The following GRK3 variants were observed in gnomAD, a reference collection of about 807,000 sequenced individuals.
GRK3 encodes the protein G protein-coupled receptor kinase 3.
GRK3 carries 54 observed loss-of-function variants against 95.7 expected under a neutral mutation model. That is an observed-to-expected ratio of 0.56 (90% CI 0.45 to 0.71). GRK3 has a LOEUF of 0.71. Ranked by LOEUF, GRK3 falls within the 30% of genes least tolerant of loss-of-function variation. The probability of loss-of-function intolerance (pLI) is 0.00; values close to 1 mark genes in which losing one functional copy is unlikely to be tolerated. For synonymous variants in GRK3, 281 were observed against 290.8 expected (o/e 0.97, Z 0.34); for missense variants, 649 against 851.2 (o/e 0.76, Z 2.96).
chr22:25,673,620 T>C (rs991051732), intron 7 of GRK3, among the ~76,000 whole-genome samples: 2 of 152,078 alleles, frequency 1.3e-5, no homozygotes, highest in African/African-American at 4.8e-5. Flanking sequence ...CAGGTTTCTA[T>C]AGGATGTTTT....
rs536114566 is a variant in GRK3 at position 25,680,502 on chromosome 22, A to G, written c.747+1587A>G. Among the ~76,000 whole-genome samples, 11 of 152,336 alleles carry G rather than the reference A, an allele frequency of 7.2e-5. No homozygotes were observed. The South Asian group carries it at 2.1e-3, about 29-fold the overall frequency. ...TTATTCTCAAGAAAGCCTATAGAAA[A>G]TAAACGTTTTAATGTTGGAAAAACA... On this transcript the variant is annotated intron_variant, in intron 9 of 20. Transcript: ENST00000324198.
At chr22:25,567,616 C>A (rs114343612) in intron 1 of GRK3, among the ~76,000 whole-genome samples, 2,891 of 152,274 alleles carry the variant, frequency 0.019, 98 homozygotes, top group African/African-American at 0.065. Context: ...ATAGAGGAAG[C>A]CATGTGATCA....
intron 8 of GRK3, among the ~76,000 whole-genome samples, chr22:25,675,039 A>G (rs2085016307): frequency 6.6e-6 from 1 of 152,140 alleles, no homozygotes; most frequent in South Asian, 2.1e-4. Context: ...AAGTTCAACA[A>G]TAACCTTGTA....
rs71191073 is a variant in GRK3 at position 25,573,916 on chromosome 22, A to AAACC, written c.113+8790_113+8793dup. 4.2e-3 allele frequency among the ~76,000 whole-genome samples: 638 copies of AAACC among 151,690 alleles called. 5 individuals are homozygous for AAACC. The highest frequency in any genetic ancestry group is 0.034 in the Middle Eastern group (10 of 294). On this transcript the variant is annotated intron_variant, in intron 1 of 20. Coordinates refer to ENST00000324198, the MANE Select transcript of GRK3 (RefSeq NM_005160.4). ...CTCTGTCTCAAACAAAGAAACAAAA[A>AAACC]AACCAACCAACCAACCAACCAACCA...
rs148754111 is a variant in GRK3, at chr22:25,649,219, C to T, written c.264+4554C>T. ...ACTGCTACAGAGCCATAGTACCAGC[C>T]AGGAGAAAACTTCTAATTCAAGTAG... On this transcript the variant is annotated intron_variant, in intron 3 of 20. Transcript: ENST00000324198. The T allele has an allele frequency of 6.7e-4, 849 of 1,276,258 alleles. 15 individuals are homozygous for T. The East Asian group carries it at 0.019, about 29-fold the overall frequency. 79.1% of individuals were successfully genotyped at this position (1,276,258 alleles called of 1,614,324 possible).
intron 2 of GRK3, among the ~76,000 whole-genome samples, chr22:25,628,255 T>C (rs184172390): frequency 6.6e-6 from 1 of 152,344 alleles, no homozygotes. Context: ...CTGGTGGTAG[T>C]AAAAATAGAT....
chr22:25,579,686 A>G (rs1464453025), intron 1 of GRK3, among the ~76,000 whole-genome samples: 8 of 151,798 alleles, frequency 5.3e-5, no homozygotes. Flanking sequence ...GTTAGCCAGG[A>G]TGGTCTCGAT....
chr22:25,601,303 A>G (rs2084408190), intron 1 of GRK3, among the ~76,000 whole-genome samples: 1 of 152,228 alleles, frequency 6.6e-6, no homozygotes. Flanking sequence ...TGAGTTATTC[A>G]AAGTGTGTTT....
intron 19 of GRK3, among the ~76,000 whole-genome samples, chr22:25,720,757 G>A (rs138474985): frequency 0.012 from 1,837 of 152,230 alleles, 26 homozygotes; most frequent in Middle Eastern, 0.058. Context: ...TTACAGGCAT[G>A]AGCCACCGCG....
At chr22:25,710,986 G>C in intron 16 of GRK3, 82 bp from the exon 17 acceptor site, 1 of 749,918 alleles carries the variant, frequency 1.3e-6, no homozygotes, top group South Asian at 1.9e-5. Context: ...ATCTCGCACT[G>C]TGCTGTCTTT....
intron 3 of GRK3, among the ~76,000 whole-genome samples, chr22:25,653,923 G>A (rs1601504216): frequency 1.3e-5 from 2 of 152,160 alleles, no homozygotes; most frequent in South Asian, 2.1e-4. Context: ...TCCTGACCTC[G>A]TAATCGGCCC....
intron 5 of GRK3, among the ~76,000 whole-genome samples, chr22:25,666,522 T>G (rs1171527648): frequency 6.6e-6 from 1 of 152,202 alleles, no homozygotes; most frequent in Non-Finnish European, 1.5e-5. Flanking sequence ...CTAGCTCCAG[T>G]GCCTTCCCCA....
In GRK3 at chr22:25,727,945, C is replaced by T. The variant is rs978551311; in HGVS notation, c.*5495C>T. 1.2e-4 allele frequency: 18 copies of T among 152,156 alleles called. No homozygotes were observed. The highest frequency in any genetic ancestry group is 4.1e-4 in the African/African-American group (17 of 41,514). The allele number at this position is 152,156 out of a possible 1,614,324, so 9.4% of individuals were successfully genotyped here. ...TTTTCTATGTTTAATTATAATAGAT[C>T]TGGCTTTTTCTGGATAGCATAAAGA... is the stretch of plus-strand genomic sequence containing the variant. On this transcript the variant is annotated 3_prime_UTR_variant, in exon 21 of 21. Coordinates refer to ENST00000324198, the MANE Select transcript of GRK3 (RefSeq NM_005160.4).
At chr22:25,672,565 T>A (rs559936561) in intron 7 of GRK3, among the ~76,000 whole-genome samples, 1 of 152,340 alleles carries the variant, frequency 6.6e-6, no homozygotes, top group South Asian at 2.1e-4. Context: ...AGAATGTGCT[T>A]GTTTATGTAA....
At chr22:25,675,474 G>A (rs2085020967) in intron 8 of GRK3, among the ~76,000 whole-genome samples, 2 of 151,962 alleles carry the variant, frequency 1.3e-5, no homozygotes, top group African/African-American at 4.8e-5. Context: ...TTTTTTAACA[G>A]AAGTGGCTTA....
chr22:25,722,147 G>A (rs2085437393), intron 20 of GRK3, 142 bp from the exon 21 acceptor site: 1 of 857,774 alleles, frequency 1.2e-6, no homozygotes, highest in African/African-American at 1.7e-5. Flanking sequence ...TGACCCATCA[G>A]CTAGTAATGC....
chr22:25,645,207 C>A (rs1047449493), intron 3 of GRK3, among the ~76,000 whole-genome samples: 3 of 152,168 alleles, frequency 2.0e-5, no homozygotes, highest in Admixed American at 2.0e-4. Flanking sequence ...ACATTGAAAT[C>A]TCCTACAGCC....
intron 2 of GRK3, among the ~76,000 whole-genome samples, chr22:25,609,892 G>T (rs2084483133): frequency 6.9e-6 from 1 of 145,966 alleles, no homozygotes; most frequent in Non-Finnish European, 1.5e-5. Flanking sequence ...CTGTCACCCA[G>T]GCTGGGGTGC....
At chr22:25,650,602 A>G (rs2084823551) in intron 3 of GRK3, among the ~76,000 whole-genome samples, 1 of 152,184 alleles carries the variant, frequency 6.6e-6, no homozygotes, top group Non-Finnish European at 1.5e-5. Flanking sequence ...AGAAAAGAAA[A>G]TGTGAAAGTT....
Sources: gnomAD v4.1 joint callset for allele counts (sites outside exome capture counted in the v4.1 genomes callset) on GRCh38, gnomAD v4.1.1 for gene constraint, MANE v1.5 for transcripts, NCBI Gene and HGNC (gene_info 2026-07-23, HGNC 2026-07-21) for gene names.